The following CDH4 variants were observed in gnomAD, a reference collection of about 807,000 sequenced individuals.
CDH4 encodes cadherin-4.
In CDH4, 33 loss-of-function variants were observed where a neutral mutation model predicts 86.0. The observed-to-expected ratio is 0.38, with a 90% CI of 0.29 to 0.51. CDH4 has a LOEUF of 0.51. Ranked by LOEUF, CDH4 falls within the 20% of genes least tolerant of loss-of-function variation. CDH4 has a pLI of 0.86. For missense variants in CDH4, 1,114 were observed against 1,307.4 expected, an observed-to-expected ratio of 0.85 and a Z score of 2.28; for synonymous variants, 555 against 549.4, an observed-to-expected ratio of 1.01 and a Z score of -0.14.
chr20:61,478,358 C>T (rs1343719111), intron 2 of CDH4, among the ~76,000 whole-genome samples: 1 of 152,204 alleles, frequency 6.6e-6, no homozygotes, highest in Non-Finnish European at 1.5e-5. Context: ...GAAGTAGCAC[C>T]TGGCTAGGGG....
At chr20:61,839,760 GTA>G (rs1372127546) in intron 4 of CDH4, among the ~76,000 whole-genome samples, 3 of 151,572 alleles carry the variant, frequency 2.0e-5, no homozygotes, top group East Asian at 3.9e-4. Flanking sequence ...TTTGTGTGTT[GTA>G]TATGTGTTGT....
At chr20:61,749,434 A>T (rs1487870079) in intron 3 of CDH4, among the ~76,000 whole-genome samples, 1 of 152,234 alleles carries the variant, frequency 6.6e-6, no homozygotes, top group Non-Finnish European at 1.5e-5. Context: ...TATAGACAGA[A>T]CATTTACAAA....
intron 2 of CDH4, among the ~76,000 whole-genome samples, chr20:61,268,619 T>G (rs532901879): frequency 6.6e-6 from 1 of 152,242 alleles, no homozygotes; most frequent in East Asian, 1.9e-4. Context: ...GGTGCTGCCC[T>G]TGTGGTAATG....
chr20:61,857,218 G>A (rs889633820), intron 6 of CDH4, among the ~76,000 whole-genome samples: 3 of 152,262 alleles, frequency 2.0e-5, no homozygotes, highest in African/African-American at 4.8e-5. Context: ...CGCTGTCTGG[G>A]ATGGTGGGCG....
At chr20:61,770,305 C>T (rs1001997761) in intron 3 of CDH4, among the ~76,000 whole-genome samples, 3 of 152,200 alleles carry the variant, frequency 2.0e-5, no homozygotes, top group African/African-American at 7.2e-5. Context: ...ACCCCCACTG[C>T]CTGGAGGGGC....
At chr20:61,652,797 G>GAAAA (rs10668889) in intron 2 of CDH4, among the ~76,000 whole-genome samples, 3 of 128,150 alleles carry the variant, frequency 2.3e-5, no homozygotes, top group Non-Finnish European at 3.3e-5. Context: ...TTTTTCAAAT[G>GAAAA]AAAAAAAAAA....
rs1274752650 is a variant in CDH4, at chr20:61,623,896, C to T, written c.170-119667C>T. 1.4e-5 allele frequency among the ~76,000 whole-genome samples: 2 copies of T among 147,334 alleles called. No homozygotes were observed. The highest frequency in any genetic ancestry group is 5.0e-5 in the African/African-American group (2 of 39,638). On this transcript the variant is annotated intron_variant, in intron 2 of 15. Transcript: ENST00000614565. The surrounding 1 kb of genome is among the most constrained non-coding windows in gnomAD (Gnocchi z 4.4). ...GACACGGTTCCTAGAGCGAGGAACA[C>T]CCCAGAATCTGAGGAGGAAAGACAC...
intron 4 of CDH4, among the ~76,000 whole-genome samples, chr20:61,791,211 A>G (rs1025171812): frequency 4.6e-5 from 7 of 152,274 alleles, no homozygotes; most frequent in African/African-American, 1.7e-4. Context: ...AGTGGTGGAC[A>G]ATTCTTCCAG....
intron 2 of CDH4, among the ~76,000 whole-genome samples, chr20:61,288,604 G>A (rs368719207): frequency 1.4e-3 from 219 of 152,320 alleles, no homozygotes; most frequent in African/African-American, 5.1e-3. Context: ...CAGCAGGCAG[G>A]CCAGAGCTGC....
At chr20:61,346,037 G>A (rs77745199) in intron 2 of CDH4, among the ~76,000 whole-genome samples, 1 of 152,230 alleles carries the variant, frequency 6.6e-6, no homozygotes, top group South Asian at 2.1e-4. Context: ...GAAGTACACA[G>A]TGAGCAGAAT....
chr20:61,677,655 AGGTGGGTGGGTG>A (rs200441605), intron 2 of CDH4, among the ~76,000 whole-genome samples: 3 of 5,300 alleles, frequency 5.7e-4, no homozygotes, highest in South Asian at 0.012. Context: ...GTGGGTAGGT[AGGTGGGTGGGTG>A]GGTGGGTGGA....
At chr20:61,851,167 T>C (rs1431139884) in intron 5 of CDH4, among the ~76,000 whole-genome samples, 1 of 152,142 alleles carries the variant, frequency 6.6e-6, no homozygotes, top group African/African-American at 2.4e-5. Flanking sequence ...AAACATGATA[T>C]GTAAAGCTGA....
chr20:61,764,577 C>A (rs565375852), intron 3 of CDH4, among the ~76,000 whole-genome samples: 2 of 152,038 alleles, frequency 1.3e-5, no homozygotes, highest in African/African-American at 2.4e-5. Flanking sequence ...CCGCGCAGGG[C>A]CCCCCGAGCA....
chr20:61,383,864 C>G (rs562682657), intron 2 of CDH4, among the ~76,000 whole-genome samples: 1 of 82,316 alleles, frequency 1.2e-5, no homozygotes, highest in African/African-American at 6.4e-5. Context: ...GATATATATG[C>G]GTATATATGA....
At chr20:61,832,606 G>A (rs183854969) in intron 4 of CDH4, among the ~76,000 whole-genome samples, 157 of 152,264 alleles carry the variant, frequency 1.0e-3, no homozygotes, top group African/African-American at 3.7e-3. Context: ...AGAGAGAAGT[G>A]CGAGCAGGGG....
chr20:61,485,868 G>A (rs1460059588), intron 2 of CDH4, among the ~76,000 whole-genome samples: 1 of 152,032 alleles, frequency 6.6e-6, no homozygotes, highest in Non-Finnish European at 1.5e-5. Context: ...TCATTCACAC[G>A]TCTACACTCC....
chr20:61,793,330 CAA>C (rs148250381), intron 4 of CDH4, among the ~76,000 whole-genome samples: 4 of 150,912 alleles, frequency 2.7e-5, no homozygotes, highest in Admixed American at 2.0e-4. Flanking sequence ...TTCTTGGCGA[CAA>C]AAAAAACAAC....
intron 2 of CDH4, among the ~76,000 whole-genome samples, chr20:61,520,697 C>T (rs1451034514): frequency 2.0e-5 from 3 of 151,586 alleles, no homozygotes; most frequent in East Asian, 1.9e-4. Context: ...TTCTGAGCAT[C>T]GGGAGGGAAG....
At chr20:61,256,129 G>C (rs185038844) in intron 2 of CDH4, among the ~76,000 whole-genome samples, 327 of 152,256 alleles carry the variant, frequency 2.1e-3, no homozygotes, top group African/African-American at 7.3e-3. Context: ...AGTTAGAACG[G>C]GTAGGCCATT....
Sources: allele counts gnomAD v4.1 joint callset (sites outside exome capture counted in the v4.1 genomes callset), GRCh38; gene constraint gnomAD v4.1.1; non-coding constraint Gnocchi (gnomAD v3.1); transcripts MANE v1.5; gene names NCBI Gene and HGNC (gene_info 2026-07-23, HGNC 2026-07-21).